Variants in PLXNC1 observed in about 807,000 individuals in gnomAD.
The protein encoded by PLXNC1 is plexin-C1.
Under a neutral mutation model 178.2 loss-of-function variants are expected in PLXNC1, and 75 were observed. That is an observed-to-expected ratio of 0.42 (90% CI 0.35 to 0.51). The LOEUF (loss-of-function observed/expected upper bound fraction) is 0.51. PLXNC1 is among the 20% of genes least tolerant of loss of function. The pLI is 0.02. For synonymous variants in PLXNC1, 790 were observed against 779.9 expected (o/e 1.01, Z -0.22); for missense variants, 1,503 against 1,984.4 (o/e 0.76, Z 4.61).
intron 4 of PLXNC1, among the ~76,000 whole-genome samples, chr12:94,198,403 G>T (rs1240056381): frequency 6.6e-6 from 1 of 152,080 alleles, no homozygotes; most frequent in Non-Finnish European, 1.5e-5. Context: ...TTAATACCTA[G>T]TTGATGAGTT....
intron 4 of PLXNC1, among the ~76,000 whole-genome samples, chr12:94,200,883 T>C (rs1963095298): frequency 6.6e-6 from 1 of 152,218 alleles, no homozygotes; most frequent in South Asian, 2.1e-4. Context: ...GCTCAAAGTT[T>C]CAAGACAAAG....
At chr12:94,191,835 C>G (rs1390331269) in intron 4 of PLXNC1, among the ~76,000 whole-genome samples, 2 of 151,704 alleles carry the variant, frequency 1.3e-5, no homozygotes, top group East Asian at 3.9e-4. Context: ...ACAATGAGCT[C>G]TAAAAAGTCT....
rs1393426575 is a variant in PLXNC1 at position 94,237,531 on chromosome 12, ACTGT to A, written c.1981-129_1981-126del. The A allele has an allele frequency of 2.5e-5, 17 of 673,188 alleles. No homozygotes were observed. In the African/African-American group the frequency reaches 2.5e-4, roughly 10 times the overall value. The allele number at this position is 673,188 out of a possible 1,614,324, so 41.7% of individuals were successfully genotyped here. A position where few individuals can be genotyped will look rare whatever the true frequency, so the allele number is the denominator to read the frequency against. ...CTTGAATTCATTGATTTCATTAAACACTGTCTGCTTGTGTTCGCAAAATGTTGTA... is the reference window on the plus strand; with the variant it reads ...CTTGAATTCATTGATTTCATTAAACACTGCTTGTGTTCGCAAAATGTTGTA... On this transcript the variant is annotated intron_variant, in intron 9 of 30. Transcript: ENST00000258526.
In PLXNC1 at chr12:94,254,807, C is replaced by T. The variant is rs1964795908; in HGVS notation, c.2902C>T (p.His968Tyr). ...CTTAGCGGCCGTGGGGGTGACCAGG[C>T]ACAAATCGAAGGAGCTGAGTCGCAA... ...VIFAAVGVTR[H>Y]KSKELSRKQS... is the part of the protein sequence containing the mutation. Residue 968 changes from histidine to tyrosine, a missense_variant, in exon 16 of 31, where the codon CAC becomes TAC. Physicochemically the swap from His to Tyr is moderately conservative, Grantham distance 83. Coordinates refer to ENST00000258526, the MANE Select transcript of PLXNC1 (RefSeq NM_005761.3). The T allele has an allele frequency of 6.2e-7, 1 of 1,604,112 alleles. No homozygotes were observed. The highest frequency in any genetic ancestry group is 8.5e-7 in the Non-Finnish European group (1 of 1,177,388).
At chr12:94,221,872 C>T (rs1461039425) in intron 6 of PLXNC1, among the ~76,000 whole-genome samples, 1 of 152,218 alleles carries the variant, frequency 6.6e-6, no homozygotes, top group Non-Finnish European at 1.5e-5. Context: ...GATTTAATCA[C>T]TTCACAAAGG....
At chr12:94,194,819 C>T (rs565129387) in intron 4 of PLXNC1, among the ~76,000 whole-genome samples, 1 of 152,262 alleles carries the variant, frequency 6.6e-6, no homozygotes, top group East Asian at 1.9e-4. Context: ...TAACGTACAT[C>T]ATTGTAGGCC....
chr12:94,263,629 G>A (rs1399376726), intron 20 of PLXNC1, among the ~76,000 whole-genome samples: 1 of 152,134 alleles, frequency 6.6e-6, no homozygotes, highest in East Asian at 1.9e-4. Context: ...TGGGGGAGGT[G>A]GGCGGTGGAG....
Position 94,237,751 on chromosome 12 carries a change from G to T in PLXNC1, c.2068G>T (p.Ala690Ser). Residue 690 changes from alanine to serine, a missense_variant, in exon 10 of 31, where the codon GCA becomes TCA. Physicochemically the swap from Ala to Ser is moderately conservative, Grantham distance 99. Transcript: ENST00000258526. The part of the protein sequence containing the change: ...VIVTGANFTR[A>S]SNITMILKGT... ...AGTAACGGGAGCAAACTTTACCCGG[G>T]CATCGAACATCACAATGATCCTGAA... is the stretch of plus-strand genomic sequence containing the variant. 2 of 1,613,970 alleles carry T rather than the reference G, an allele frequency of 1.2e-6. No individual in the cohort carries two copies. The highest frequency in any genetic ancestry group is 1.1e-5 in the South Asian group (1 of 91,072).
chr12:94,245,741 C>T (rs920128067), intron 12 of PLXNC1, among the ~76,000 whole-genome samples: 23 of 152,122 alleles, frequency 1.5e-4, no homozygotes, highest in African/African-American at 4.8e-4. Flanking sequence ...CTCGCAGGCC[C>T]GTGCTGGGAA....
At chr12:94,254,962 G>C in intron 16 of PLXNC1, 74 bp downstream of exon 16, 1 of 1,190,222 alleles carries the variant, frequency 8.4e-7, no homozygotes, top group Non-Finnish European at 1.2e-6. Flanking sequence ...CCCTTACATA[G>C]AGATGGCCAC....
chr12:94,279,888 T>C, intron 22 of PLXNC1: 1 of 662,794 alleles, frequency 1.5e-6, no homozygotes, highest in Non-Finnish European at 2.8e-6. Context: ...TTGTTGTCTT[T>C]AAATATTACG....
At chr12:94,218,782 C>T (rs754739985) in intron 5 of PLXNC1, among the ~76,000 whole-genome samples, 4 of 152,078 alleles carry the variant, frequency 2.6e-5, no homozygotes, top group Non-Finnish European at 4.4e-5. Flanking sequence ...CTCCCTCCAC[C>T]CAATTTTGAT....
In PLXNC1 at chr12:94,149,073, C is replaced by T. The variant is rs1960839193; in HGVS notation, c.102C>T (p.Gly34=). The part of the protein sequence containing the change: ...YLLALAAPGR[G]ADEPVWRSEQ... ...TGGCACTGGCGGCTCCCGGCCGGGG[C>T]GCGGACGAGCCCGTGTGGCGGTCGG... The change falls in exon 1 of 31, where the codon GGC becomes GGT. Residue 34 remains glycine (G), a synonymous_variant. Transcript: ENST00000258526. 6.4e-7 allele frequency: 1 copy of T among 1,562,180 alleles called. No individual in the cohort carries two copies. The highest frequency in any genetic ancestry group is 8.6e-7 in the Non-Finnish European group (1 of 1,162,558).
At chr12:94,215,162 T>C (rs1963607286) in intron 5 of PLXNC1, among the ~76,000 whole-genome samples, 1 of 152,232 alleles carries the variant, frequency 6.6e-6, no homozygotes, top group South Asian at 2.1e-4. Flanking sequence ...CCTCCCAAAG[T>C]GCTGGGATTA....
intron 24 of PLXNC1, 32 bp from the exon 25 acceptor site, chr12:94,297,157 C>G: frequency 6.2e-7 from 1 of 1,612,018 alleles, no homozygotes; most frequent in Non-Finnish European, 8.5e-7. Context: ...TTTTAATGGA[C>G]TGCTTTCTCT....
chr12:94,164,839 T>C (rs2135934457), intron 1 of PLXNC1, among the ~76,000 whole-genome samples: 1 of 152,292 alleles, frequency 6.6e-6, no homozygotes, highest in South Asian at 2.1e-4. Flanking sequence ...TGAGAAAAGT[T>C]TCCCTCTTAG....
chr12:94,152,040 A>G (rs867004797), intron 1 of PLXNC1, among the ~76,000 whole-genome samples: 1 of 152,192 alleles, frequency 6.6e-6, no homozygotes, highest in Non-Finnish European at 1.5e-5. Context: ...TCTTGCTGCT[A>G]TTTATCAAGA....
In PLXNC1 at chr12:94,227,174, A is replaced by C. The variant is rs761941874; in HGVS notation, c.1919A>C (p.Lys640Thr). ...NQEQCPVAVE[K>T]TSGGGRPKEN... ...GAACAGTGTCCAGTGGCTGTCGAGA[A>C]GACATCAGGAGGAGGAAGACCCAAG... Residue 640 changes from lysine to threonine, a missense_variant, in exon 9 of 31, where the codon AAG (lysine) becomes ACG (threonine). Physicochemically the swap from Lys to Thr is moderately conservative, Grantham distance 78. Transcript: ENST00000258526. The C allele has an allele frequency of 3.0e-5, 49 of 1,612,780 alleles. No individual in the cohort carries two copies. The highest frequency in any genetic ancestry group is 4.1e-5 in the Non-Finnish European group (48 of 1,178,710).
intron 18 of PLXNC1, 88 bp downstream of exon 18, chr12:94,259,463 T>C (rs532829239): frequency 3.0e-4 from 367 of 1,218,628 alleles, no homozygotes; most frequent in Admixed American, 6.6e-4. Flanking sequence ...TTATTATTAC[T>C]TTGAATTTTT....
Sources: gnomAD v4.1 joint callset for allele counts (sites outside exome capture counted in the v4.1 genomes callset) on GRCh38, gnomAD v4.1.1 for gene constraint, MANE v1.5 for transcripts, NCBI Gene and HGNC (gene_info 2026-07-23, HGNC 2026-07-21) for gene names.